Variants in VPS54 observed in about 807,000 individuals in gnomAD.
VPS54 encodes VPS54 subunit of GARP complex.
Under a neutral mutation model 121.5 loss-of-function variants are expected in VPS54, and 45 were observed. The observed-to-expected ratio is 0.37, with a 90% confidence interval of 0.29 to 0.47. The LOEUF is 0.47. Ranked by LOEUF, VPS54 falls within the 20% of genes least tolerant of loss-of-function variation. The pLI is 0.99. For missense variants in VPS54, 1,090 were observed against 1,131.4 expected, an observed-to-expected ratio of 0.96 and a Z score of 0.52; for synonymous variants, 371 against 385.8, an observed-to-expected ratio of 0.96 and a Z score of 0.45.
At chr2:63,900,766 T>TTTG (rs1672647959) in intron 20 of VPS54, among the ~76,000 whole-genome samples, 1 of 143,164 alleles carries the variant, frequency 7.0e-6, no homozygotes, top group African/African-American at 2.5e-5. Context: ...TTTTTGTTTG[T>TTTG]TTTTTTTGAT....
At chr2:63,924,229 T>C (rs1360144898) in intron 12 of VPS54, among the ~76,000 whole-genome samples, 1 of 152,240 alleles carries the variant, frequency 6.6e-6, no homozygotes, top group Non-Finnish European at 1.5e-5. Flanking sequence ...TTTGCCACAA[T>C]GACAGCTCTA....
intron 11 of VPS54, 27 bp downstream of exon 11, chr2:63,942,438 T>G (rs1438465582): frequency 6.6e-7 from 1 of 1,505,342 alleles, no homozygotes; most frequent in Non-Finnish European, 9.0e-7. Context: ...TTAGGGATAT[T>G]CTAGACAAAC....
At chr2:63,998,794 C>A (rs1274021399) in intron 1 of VPS54, among the ~76,000 whole-genome samples, 1 of 151,772 alleles carries the variant, frequency 6.6e-6, no homozygotes, top group African/African-American at 2.4e-5. Flanking sequence ...TTTTATTGGC[C>A]CCTTTTAATT....
intron 21 of VPS54, among the ~76,000 whole-genome samples, chr2:63,898,000 C>T (rs1412235886): frequency 6.6e-6 from 1 of 151,934 alleles, no homozygotes; most frequent in Non-Finnish European, 1.5e-5. Context: ...TGCAATGACC[C>T]AATATTTCTT....
chr2:64,004,167 T>C (rs1045608268), intron 1 of VPS54, among the ~76,000 whole-genome samples: 9 of 150,836 alleles, frequency 6.0e-5, no homozygotes, highest in Admixed American at 1.3e-4. Flanking sequence ...AATGGATACA[T>C]AGAGATACTT....
At chr2:63,955,625 T>C (rs1350867972) in intron 7 of VPS54, among the ~76,000 whole-genome samples, 1 of 152,064 alleles carries the variant, frequency 6.6e-6, no homozygotes, top group Admixed American at 6.5e-5. Context: ...ATACAGGCTA[T>C]ATAATTAATT....
At chr2:63,955,906 C>G (rs1675471450) in intron 7 of VPS54, among the ~76,000 whole-genome samples, 1 of 151,958 alleles carries the variant, frequency 6.6e-6, no homozygotes, top group African/African-American at 2.4e-5. Flanking sequence ...AAGTATGTAT[C>G]CTAATAATCA....
chr2:64,000,995 C>T (rs1677847438), intron 1 of VPS54, among the ~76,000 whole-genome samples: 2 of 152,334 alleles, frequency 1.3e-5, no homozygotes, highest in East Asian at 3.9e-4. Flanking sequence ...CATGTAAGTC[C>T]AGAAGTTATC....
At chr2:64,013,535 A>ATT (rs1678525929) in intron 1 of VPS54, among the ~76,000 whole-genome samples, 1 of 148,174 alleles carries the variant, frequency 6.7e-6, no homozygotes, top group Non-Finnish European at 1.5e-5. Flanking sequence ...TAATGTTATT[A>ATT]AGTAAATGCT....
At chr2:63,961,122 T>C (rs902537232) in intron 7 of VPS54, among the ~76,000 whole-genome samples, 2 of 152,220 alleles carry the variant, frequency 1.3e-5, no homozygotes, top group South Asian at 2.1e-4. Flanking sequence ...TAGAGACTTT[T>C]AGAGCACTGA....
At chr2:63,897,003 T>G (rs968485648) in intron 22 of VPS54, among the ~76,000 whole-genome samples, 1 of 152,212 alleles carries the variant, frequency 6.6e-6, no homozygotes, top group Admixed American at 6.5e-5. Flanking sequence ...AGTCCTACCC[T>G]ATGCTTTCTA....
intron 2 of VPS54, among the ~76,000 whole-genome samples, chr2:63,983,125 A>T (rs116406874): frequency 6.6e-6 from 1 of 151,678 alleles, no homozygotes; most frequent in South Asian, 2.1e-4. Context: ...TTAAAAAAAA[A>T]TTTCAATTTC....
intron 7 of VPS54, among the ~76,000 whole-genome samples, chr2:63,957,431 G>GTTCTGAAGAGGGGAAATCAAACTTGGA (rs1346512754): frequency 8.6e-6 from 1 of 115,968 alleles, no homozygotes; most frequent in Non-Finnish European, 1.7e-5. Flanking sequence ...AACAGAGCAA[G>GTTCTGAAGAGGGGAAATCAAACTTGGA]ACTCCATCTC....
intron 15 of VPS54, among the ~76,000 whole-genome samples, chr2:63,919,661 T>A (rs1190838854): frequency 6.6e-6 from 1 of 152,046 alleles, no homozygotes; most frequent in African/African-American, 2.4e-5. Context: ...GTAATGCATG[T>A]AAAGAACATG....
chr2:64,000,293 C>T (rs1677809084), intron 1 of VPS54, among the ~76,000 whole-genome samples: 1 of 152,314 alleles, frequency 6.6e-6, no homozygotes, highest in South Asian at 2.1e-4. Flanking sequence ...TGAATTCCAT[C>T]TCTGTGTTAT....
chr2:63,907,711 AAG>A lies in VPS54; in HGVS notation c.2625+4632_2625+4633del, dbSNP rs1418222901. 7.9e-5 allele frequency among the ~76,000 whole-genome samples: 12 copies of A among 152,316 alleles called. No individual in the cohort carries two copies. The South Asian group carries it at 1.9e-3, about 24-fold the overall frequency. On this transcript the variant is annotated intron_variant, in intron 20 of 22. Transcript: ENST00000272322. ...ACATACTGATACAGAATTTGTATCT[AAG>A]ATATATAAGGAACACTTATAAGACA...
At chr2:64,005,093 T>A (rs866093278) in intron 1 of VPS54, among the ~76,000 whole-genome samples, 52 of 59,558 alleles carry the variant, frequency 8.7e-4, no homozygotes, top group Non-Finnish European at 8.6e-4. Context: ...TTGCTTCTTT[T>A]TTTTTTTTTT....
At chr2:63,990,420 C>T (rs1047770571) in intron 1 of VPS54, among the ~76,000 whole-genome samples, 4 of 152,130 alleles carry the variant, frequency 2.6e-5, no homozygotes, top group African/African-American at 9.7e-5. Flanking sequence ...CTACAATTTA[C>T]CTATAATTCT....
chr2:63,897,184 A>C (rs1162255149), intron 22 of VPS54, among the ~76,000 whole-genome samples: 3 of 152,212 alleles, frequency 2.0e-5, no homozygotes, highest in African/African-American at 7.2e-5. Flanking sequence ...TCACATGGTC[A>C]CACAGTAGGA....
Sources: allele counts gnomAD v4.1 joint callset (sites outside exome capture counted in the v4.1 genomes callset), GRCh38; gene constraint gnomAD v4.1.1; transcripts MANE v1.5; gene names NCBI Gene and HGNC (gene_info 2026-07-23, HGNC 2026-07-21).